ACTR3: variants seen among roughly 807,000 people sequenced by gnomAD.
The protein encoded by ACTR3 is actin related protein 3.
In ACTR3, 12 loss-of-function variants were observed where a neutral mutation model predicts 56.8. The ratio of observed to expected loss-of-function variants is 0.21; its 90% CI spans 0.14 to 0.34. ACTR3 has a LOEUF of 0.34. Ranked by LOEUF, ACTR3 falls within the 10% of genes least tolerant of loss-of-function variation. The probability of loss-of-function intolerance (pLI) is 1.00; values close to 1 mark genes in which losing one functional copy is unlikely to be tolerated. For synonymous variants in ACTR3, 162 were observed against 167.4 expected, an observed-to-expected ratio of 0.97 and a Z score of 0.25; for missense variants, 282 against 512.5, an observed-to-expected ratio of 0.55 and a Z score of 4.34.
Position 113,961,234 on chromosome 2 carries a change from CTG to C in ACTR3, c.*3782_*3783del, listed in dbSNP as rs1426223214. ...GATAGAATCTTAACAAAAATAAAATCTGTGGTCGTCTGAGGTATTCTCCATGC... is the reference window on the plus strand; with the variant it reads ...GATAGAATCTTAACAAAAATAAAATCTGGTCGTCTGAGGTATTCTCCATGC... On this transcript the variant is annotated 3_prime_UTR_variant, in exon 12 of 12. Coordinates refer to ENST00000263238, the MANE Select transcript of ACTR3 (RefSeq NM_005721.5). 6.6e-6 allele frequency: 1 copy of C among 151,900 alleles called. No homozygotes were observed. The highest frequency in any genetic ancestry group is 1.5e-5 in the Non-Finnish European group (1 of 67,890). 9.4% of individuals were successfully genotyped at this position (151,900 alleles called of 1,614,324 possible).
intron 11 of ACTR3, among the ~76,000 whole-genome samples, chr2:113,956,158 C>T (rs997594264): frequency 1.3e-4 from 19 of 151,992 alleles, no homozygotes; most frequent in Admixed American, 9.8e-4. Context: ...TCCCAAAGAG[C>T]GCTGAGTTTA....
At chr2:113,949,103 C>T (rs1309687937) in intron 8 of ACTR3, among the ~76,000 whole-genome samples, 8 of 148,838 alleles carry the variant, frequency 5.4e-5, no homozygotes, top group South Asian at 2.1e-4. Flanking sequence ...AAAGGCAGGG[C>T]GTGGTGGCTC....
chr2:113,939,788 C>G (rs17197639), intron 6 of ACTR3, among the ~76,000 whole-genome samples, 171 bp from the exon 7 acceptor site: 13,491 of 152,050 alleles, frequency 0.089, 639 homozygotes, highest in East Asian at 0.18. Context: ...AAGTTGCTGG[C>G]CATTCTTAGT....
At chr2:113,899,379 T>TA (rs11413107) in intron 1 of ACTR3, among the ~76,000 whole-genome samples, 26,624 of 152,078 alleles carry the variant, frequency 0.18, 4,171 homozygotes, top group African/African-American at 0.4. Flanking sequence ...CATATGAAAG[T>TA]AAAAAAATAG....
chr2:113,919,276 T>C (rs1166199384), intron 3 of ACTR3, among the ~76,000 whole-genome samples: 2 of 152,212 alleles, frequency 1.3e-5, no homozygotes, highest in Non-Finnish European at 2.9e-5. Flanking sequence ...GTTATTCTGT[T>C]TGAATCAACA....
chr2:113,915,336 A>G (rs11686581), intron 2 of ACTR3, among the ~76,000 whole-genome samples: 152,325 of 152,326 alleles, frequency 1, 76,162 homozygotes, highest in Middle Eastern at 1. Context: ...CTGTCTTCTT[A>G]ATGTGCGTCT....
intron 8 of ACTR3, among the ~76,000 whole-genome samples, chr2:113,945,664 G>T (rs1046116064): frequency 1.3e-5 from 2 of 151,606 alleles, no homozygotes; most frequent in African/African-American, 4.9e-5. Flanking sequence ...TTAACTTTAA[G>T]TTCAGGGGTA....
chr2:113,920,367 A>T (rs917032475), intron 3 of ACTR3, among the ~76,000 whole-genome samples: 3 of 152,198 alleles, frequency 2.0e-5, no homozygotes, highest in Non-Finnish European at 2.9e-5. Context: ...CTTTTAAAAA[A>T]ATTTTACTTG....
rs1182836210 is a variant in ACTR3 at position 113,958,479 on chromosome 2, A to T, written c.*1024A>T. On this transcript the variant is annotated 3_prime_UTR_variant, in exon 12 of 12. Coordinates refer to ENST00000263238, the MANE Select transcript of ACTR3 (RefSeq NM_005721.5). ...TGTATAACTCATTTGCAGTCTGAAA[A>T]TTTTTTTTAGTGCCAGTCCCTGAAC... The T allele has an allele frequency of 2.0e-5, 3 of 152,248 alleles. No homozygotes were observed. Among genetic ancestry groups the T allele is most frequent in the African/African-American group, 4.8e-5 (2 of 41,366 alleles). The allele number at this position is 152,248 out of a possible 1,614,324, so 9.4% of individuals were successfully genotyped here. A position where few individuals can be genotyped will look rare whatever the true frequency, so the allele number is the denominator to read the frequency against.
At chr2:113,950,902 G>C (rs1680108687) in intron 8 of ACTR3, 1 of 152,678 alleles carries the variant, frequency 6.5e-6, no homozygotes, top group African/African-American at 2.4e-5. Context: ...AGGCAAGGAG[G>C]AGCAAGTCCT....
chr2:113,913,426 C>G (rs1415618717), intron 2 of ACTR3, among the ~76,000 whole-genome samples, 199 bp downstream of exon 2: 2 of 152,090 alleles, frequency 1.3e-5, no homozygotes, highest in Non-Finnish European at 2.9e-5. Flanking sequence ...CCCCATTTGC[C>G]ATGTCTACTA....
rs1295015589 is a variant in ACTR3, at chr2:113,959,963, A to G, written c.*2508A>G. ...CTCTGGACCTTGATTCAATTTATATATAAGGTAAAGGCATTATACTGGATT... is the reference window on the plus strand; with the variant it reads ...CTCTGGACCTTGATTCAATTTATATGTAAGGTAAAGGCATTATACTGGATT... On this transcript the variant is annotated 3_prime_UTR_variant, in exon 12 of 12. Transcript: ENST00000263238. 1 of 152,064 alleles carries G rather than the reference A, an allele frequency of 6.6e-6. No homozygotes were observed. The highest frequency in any genetic ancestry group is 1.9e-4 in the East Asian group (1 of 5,204). 9.4% of individuals were successfully genotyped at this position (152,064 alleles called of 1,614,324 possible). A position where few individuals can be genotyped will look rare whatever the true frequency, so the allele number is the denominator to read the frequency against.
intron 3 of ACTR3, among the ~76,000 whole-genome samples, chr2:113,924,678 A>G (rs1323034282): frequency 2.0e-5 from 3 of 152,032 alleles, no homozygotes; most frequent in Non-Finnish European, 1.5e-5. Context: ...TAAATTTCTC[A>G]TTGATAACTT....
intron 1 of ACTR3, among the ~76,000 whole-genome samples, chr2:113,912,667 A>G (rs564081452): frequency 5.3e-4 from 81 of 152,218 alleles, no homozygotes; most frequent in African/African-American, 1.8e-3. Context: ...AATATTTCAT[A>G]TGTTTTTACT....
intron 1 of ACTR3, among the ~76,000 whole-genome samples, chr2:113,897,773 C>T (rs1679037002): frequency 6.6e-6 from 1 of 151,994 alleles, no homozygotes; most frequent in South Asian, 2.1e-4. Context: ...GTGATCCACC[C>T]GTCTCGGCCA....
intron 1 of ACTR3, among the ~76,000 whole-genome samples, chr2:113,902,117 T>C (rs1024643338): frequency 2.6e-5 from 4 of 152,186 alleles, no homozygotes; most frequent in Admixed American, 6.5e-5. Flanking sequence ...AAAAGAGCAT[T>C]ATTGATGACT....
chr2:113,941,873 G>A (rs1679929789), intron 7 of ACTR3, among the ~76,000 whole-genome samples: 1 of 152,004 alleles, frequency 6.6e-6, no homozygotes, highest in South Asian at 2.1e-4. Flanking sequence ...CATTATTACT[G>A]AGACAGAAAA....
At chr2:113,920,045 T>C (rs1459845148) in intron 3 of ACTR3, among the ~76,000 whole-genome samples, 1 of 152,258 alleles carries the variant, frequency 6.6e-6, no homozygotes, top group African/African-American at 2.4e-5. Flanking sequence ...TGCTTCAGCC[T>C]CCTGAGTAGC....
chr2:113,923,629 C>T (rs1438021952), intron 3 of ACTR3, among the ~76,000 whole-genome samples: 1 of 152,156 alleles, frequency 6.6e-6, no homozygotes, highest in East Asian at 1.9e-4. Flanking sequence ...GCCACTGTGC[C>T]CGGCCTGTTT....
Sources: gnomAD v4.1 joint callset for allele counts (sites outside exome capture counted in the v4.1 genomes callset) on GRCh38, gnomAD v4.1.1 for gene constraint, MANE v1.5 for transcripts, NCBI Gene and HGNC (gene_info 2026-07-23, HGNC 2026-07-21) for gene names.